The following DRC11 variants were observed in gnomAD, a reference collection of about 807,000 sequenced individuals.
DRC11 encodes dynein regulatory complex subunit 11, also known as IQ and AAA domain-containing protein 1.
the DRC11 span, among the ~76,000 whole-genome samples, chr2:236,328,337 C>A: frequency 6.6e-6 from 1 of 151,782 alleles, no homozygotes; most frequent in Non-Finnish European, 1.5e-5. This position sits in a 1 kb window ranked among gnomAD's most constrained non-coding sequence, Gnocchi z 6.7. Flanking sequence ...ATTAATATTT[C>A]AACTCGAGAT....
chr2:236,397,417 A>G, the DRC11 span, among the ~76,000 whole-genome samples: 5 of 151,940 alleles, frequency 3.3e-5, 1 homozygote, highest in Admixed American at 2.6e-4. The surrounding 1 kb of genome is among the most constrained non-coding windows in gnomAD (Gnocchi z 5.0). Context: ...GGCAGCCACA[A>G]CTCCCCTCTG....
chr2:236,337,763 T>C, the DRC11 span, among the ~76,000 whole-genome samples: 1 of 151,976 alleles, frequency 6.6e-6, no homozygotes, highest in East Asian at 1.9e-4. This position sits in a 1 kb window ranked among gnomAD's most constrained non-coding sequence, Gnocchi z 4.9. Context: ...TGTATTTTAA[T>C]GTTCATTTTA....
At chr2:236,408,209 C>A in the DRC11 span, 27 of 771,754 alleles carry the variant, frequency 3.5e-5, no homozygotes, top group African/African-American at 4.1e-4. The surrounding 1 kb of genome is among the most constrained non-coding windows in gnomAD (Gnocchi z 5.5). Flanking sequence ...TAGCCCTGGC[C>A]GATCTTAGAG....
At chr2:236,483,926 T>C in the DRC11 span, among the ~76,000 whole-genome samples, 23 of 152,214 alleles carry the variant, frequency 1.5e-4, no homozygotes, top group African/African-American at 4.8e-4. This position sits in a 1 kb window ranked among gnomAD's most constrained non-coding sequence, Gnocchi z 4.8. Context: ...AATTAAAATA[T>C]GGCTTAAATG....
chr2:236,357,191 ATATT>A, the DRC11 span, among the ~76,000 whole-genome samples: 1 of 120,376 alleles, frequency 8.3e-6, no homozygotes, highest in Non-Finnish European at 1.6e-5. Context: ...ATATTCATAT[ATATT>A]ATAAATTATA....
the DRC11 span, among the ~76,000 whole-genome samples, chr2:236,470,814 T>C: frequency 6.6e-6 from 1 of 152,104 alleles, no homozygotes; most frequent in Admixed American, 6.5e-5. This position sits in a 1 kb window ranked among gnomAD's most constrained non-coding sequence, Gnocchi z 5.1. Flanking sequence ...GATGCAACAA[T>C]TTTAGTGGGC....
At chr2:236,462,774 T>A in the DRC11 span, among the ~76,000 whole-genome samples, 1 of 152,070 alleles carries the variant, frequency 6.6e-6, no homozygotes, top group Admixed American at 6.5e-5. The surrounding 1 kb of genome is among the most constrained non-coding windows in gnomAD (Gnocchi z 6.4). Context: ...CCTTTTACAG[T>A]CAGATGCAGT....
the DRC11 span, chr2:236,368,255 T>C: frequency 6.2e-7 from 1 of 1,610,042 alleles, no homozygotes; most frequent in Non-Finnish European, 8.5e-7. Context: ...AGGGCATGGG[T>C]TCTATGGACA....
chr2:236,354,411 C>T, the DRC11 span, among the ~76,000 whole-genome samples: 1 of 151,956 alleles, frequency 6.6e-6, no homozygotes, highest in African/African-American at 2.4e-5. Flanking sequence ...CTTATCCAGA[C>T]TGTGTTCAAT....
the DRC11 span, among the ~76,000 whole-genome samples, chr2:236,466,744 A>C: frequency 6.6e-6 from 1 of 152,298 alleles, no homozygotes; most frequent in South Asian, 2.1e-4. Flanking sequence ...ATCTGCCCCC[A>C]AGATCCATCA....
chr2:236,463,425 A>G, the DRC11 span, among the ~76,000 whole-genome samples: 2 of 152,190 alleles, frequency 1.3e-5, no homozygotes, highest in African/African-American at 2.4e-5. This position sits in a 1 kb window ranked among gnomAD's most constrained non-coding sequence, Gnocchi z 5.0. Context: ...CCATTTTGCT[A>G]TAAAATATAC....
At chr2:236,344,217 T>C in the DRC11 span, among the ~76,000 whole-genome samples, 1 of 152,240 alleles carries the variant, frequency 6.6e-6, no homozygotes, top group Non-Finnish European at 1.5e-5. Context: ...TTTATTATGA[T>C]GAACAATAGG....
At chr2:236,311,545 G>C in the DRC11 span, among the ~76,000 whole-genome samples, 1 of 152,186 alleles carries the variant, frequency 6.6e-6, no homozygotes, top group Admixed American at 6.5e-5. The surrounding 1 kb of genome is among the most constrained non-coding windows in gnomAD (Gnocchi z 6.9). Flanking sequence ...GTTTTCTTAG[G>C]ATCCTGGAGG....
At chr2:236,346,243 C>G in the DRC11 span, among the ~76,000 whole-genome samples, 2 of 152,218 alleles carry the variant, frequency 1.3e-5, no homozygotes, top group African/African-American at 4.8e-5. Context: ...CAGGCATCAG[C>G]CACCTATGTT....
the DRC11 span, among the ~76,000 whole-genome samples, chr2:236,311,038 G>A: frequency 1.3e-5 from 2 of 152,202 alleles, no homozygotes; most frequent in African/African-American, 2.4e-5. The surrounding 1 kb of genome is among the most constrained non-coding windows in gnomAD (Gnocchi z 6.9). Flanking sequence ...TGAGTCAAGC[G>A]CCAACCAATC....
At chr2:236,455,431 C>A in the DRC11 span, among the ~76,000 whole-genome samples, 3 of 152,304 alleles carry the variant, frequency 2.0e-5, no homozygotes, top group Admixed American at 6.5e-5. The surrounding 1 kb of genome is among the most constrained non-coding windows in gnomAD (Gnocchi z 5.7). Context: ...GAGAAAGGAC[C>A]AGCTTTTAAA....
At chr2:236,392,689 T>C in the DRC11 span, among the ~76,000 whole-genome samples, 1 of 152,240 alleles carries the variant, frequency 6.6e-6, no homozygotes, top group Non-Finnish European at 1.5e-5. This position sits in a 1 kb window ranked among gnomAD's most constrained non-coding sequence, Gnocchi z 5.1. Flanking sequence ...GATTATACAA[T>C]CACAGATGAC....
At chr2:236,491,177 ATATACACACAG>A in the DRC11 span, among the ~76,000 whole-genome samples, 150 of 54,718 alleles carry the variant, frequency 2.7e-3, 8 homozygotes, top group African/African-American at 0.014. Flanking sequence ...ATATATATAT[ATATACACACAG>A]TATATATATA....
At chr2:236,503,565 G>C in the DRC11 span, 7 of 1,428,724 alleles carry the variant, frequency 4.9e-6, no homozygotes, top group Admixed American at 9.8e-5. The surrounding 1 kb of genome is among the most constrained non-coding windows in gnomAD (Gnocchi z 4.9). Context: ...GGGGAGACCA[G>C]GCAAAGATTC....
Sources: gnomAD v4.1 joint callset for allele counts (sites outside exome capture counted in the v4.1 genomes callset) on GRCh38, gnomAD v4.1.1 for gene constraint, Gnocchi (gnomAD v3.1) non-coding constraint, MANE v1.5 for transcripts, NCBI Gene and HGNC (gene_info 2026-07-23, HGNC 2026-07-21) for gene names.